Variants in PLCXD1 observed in about 807,000 individuals in gnomAD.
PLCXD1 encodes the protein PI-PLC X domain-containing protein 1.
A neutral mutation model predicts 37.8 loss-of-function variants in PLCXD1; 45 were observed. The ratio of observed to expected loss-of-function variants is 1.19; its 90% CI spans 0.94 to 1.53. PLCXD1 has a LOEUF of 1.53. Ranked by LOEUF, PLCXD1 falls within the 40% of genes most tolerant of loss-of-function variation. The probability of loss-of-function intolerance (pLI) is 0.00; values close to 1 mark genes in which losing one functional copy is unlikely to be tolerated. For synonymous variants in PLCXD1, 246 were observed against 206.9 expected, an observed-to-expected ratio of 1.19 and a Z score of -1.62; for missense variants, 539 against 454.7, an observed-to-expected ratio of 1.19 and a Z score of -1.69.
At chrX:293,704 C>T (rs1329839170) in intron 6 of PLCXD1, among the ~76,000 whole-genome samples, 10 of 152,106 alleles carry the variant, frequency 6.6e-5, no homozygotes, top group African/African-American at 1.7e-4. Context: ...TGAAAAAGAA[C>T]GAGGCTCTGA....
chrX:280,410 GCAGA>G, upstream of PLCXD1, among the ~76,000 whole-genome samples: 1 of 95,746 alleles, frequency 1.0e-5, no homozygotes, highest in African/African-American at 4.4e-5. Context: ...GGCCGTGCAG[GCAGA>G]GGGGAAGACG....
At chrX:294,996 A>G (rs1274630701) in intron 6 of PLCXD1, among the ~76,000 whole-genome samples, 1 of 151,686 alleles carries the variant, frequency 6.6e-6, no homozygotes, top group Non-Finnish European at 1.5e-5. Context: ...GTGAAACCCC[A>G]TCTCTAGTAA....
intron 6 of PLCXD1, among the ~76,000 whole-genome samples, chrX:293,492 G>T (rs1449835394): frequency 6.6e-6 from 1 of 151,974 alleles, no homozygotes; most frequent in Non-Finnish European, 1.5e-5. Flanking sequence ...GGGCGCAGTG[G>T]TTCATGCCTG....
At chrX:298,992 A>C in intron 6 of PLCXD1, 105 bp from the exon 7 acceptor site, 1 of 889,124 alleles carries the variant, frequency 1.1e-6, no homozygotes. Flanking sequence ...GGTGCTTTCA[A>C]CTCTTAATTC....
intron 2 of PLCXD1, among the ~76,000 whole-genome samples, chrX:287,887 A>T (rs1439280076): frequency 6.6e-6 from 1 of 152,074 alleles, no homozygotes; most frequent in African/African-American, 2.4e-5. Context: ...AAGTGAGCAC[A>T]CGTCAGGAGG....
At chrX:288,689 G>GA (rs771326302) in intron 2 of PLCXD1, 44 bp from the exon 3 acceptor site, 1 of 1,609,894 alleles carries the variant, frequency 6.2e-7, no homozygotes, top group South Asian at 1.1e-5. Context: ...AGGTGGCGGG[G>GA]ACGGACTCGT....
intron 2 of PLCXD1, among the ~76,000 whole-genome samples, chrX:286,780 C>G (rs1479774266): frequency 6.6e-6 from 1 of 152,098 alleles, no homozygotes; most frequent in Non-Finnish European, 1.5e-5. Context: ...GGTGGTGGTG[C>G]CAAGGTTGTC....
At chrX:295,934 G>C (rs1231696952) in intron 6 of PLCXD1, among the ~76,000 whole-genome samples, 2 of 151,808 alleles carry the variant, frequency 1.3e-5, no homozygotes, top group Non-Finnish European at 2.9e-5. Flanking sequence ...TTCGCCTCCT[G>C]GGTTCGAGCA....
chrX:295,918 G>A (rs2069791727), intron 6 of PLCXD1, among the ~76,000 whole-genome samples: 1 of 151,954 alleles, frequency 6.6e-6, no homozygotes, highest in South Asian at 2.1e-4. Context: ...TTGGCTCACT[G>A]CAGCCTTCGC....
At chrX:278,054 A>G (rs1387526698), upstream of PLCXD1, among the ~76,000 whole-genome samples, 2 of 111,500 alleles carry the variant, frequency 1.8e-5, no homozygotes, top group African/African-American at 8.3e-5. Context: ...ATAGGAGCGG[A>G]CACCCCTCAG....
At chrX:284,492 G>C (rs907009498) in intron 2 of PLCXD1, among the ~76,000 whole-genome samples, 178 bp downstream of exon 2, 3 of 152,206 alleles carry the variant, frequency 2.0e-5, no homozygotes, top group Non-Finnish European at 4.4e-5. Flanking sequence ...GTGCACACGT[G>C]TGTGCATACA....
chrX:291,856 C>T (rs1212690163), intron 5 of PLCXD1, among the ~76,000 whole-genome samples: 1 of 152,136 alleles, frequency 6.6e-6, no homozygotes, highest in Non-Finnish European at 1.5e-5. Context: ...ATCTGCTTCC[C>T]TTGACGGGTT....
In PLCXD1 at chrX:291,553, A is replaced by C. The variant is rs1486581265; in HGVS notation, c.448A>C (p.Ile150Leu). 1.2e-6 allele frequency: 2 copies of C among 1,613,086 alleles called. No individual in the cohort carries two copies. Among genetic ancestry groups the C allele is most frequent in the South Asian group, 2.2e-5 (2 of 91,026 alleles). ...WLERHPREVVILACRNFEGLS... is the reference protein window; with the variant it reads ...WLERHPREVVLLACRNFEGLS... The stretch of plus-strand genomic sequence containing the variant: ...GGAGCGGCATCCACGCGAGGTGGTC[A>C]TCCTGGCCTGCAGAAACTTCGAGGG... Residue 150 changes from isoleucine (I) to leucine (L), a missense_variant, in exon 5 of 7, where the codon ATC becomes CTC. Physicochemically the swap from Ile to Leu is conservative, Grantham distance 5 (BLOSUM62 2). Coordinates refer to ENST00000381657, the MANE Select transcript of PLCXD1 (RefSeq NM_018390.4).
At chrX:289,392 T>C (rs3936199) in intron 3 of PLCXD1, among the ~76,000 whole-genome samples, 7,220 of 147,482 alleles carry the variant, frequency 0.049, 400 homozygotes, top group African/African-American at 0.14. Context: ...CGGCCCAGCA[T>C]TTTATTAAAT....
intron 6 of PLCXD1, 64 bp downstream of exon 6, chrX:293,282 CG>C: frequency 2.3e-6 from 3 of 1,297,732 alleles, no homozygotes; most frequent in African/African-American, 2.9e-5. Context: ...TGCGGCAGGC[CG>C]GGTCCACATG....
intron 5 of PLCXD1, among the ~76,000 whole-genome samples, chrX:292,084 G>A (rs1418606680): frequency 1.3e-5 from 2 of 152,036 alleles, no homozygotes; most frequent in Non-Finnish European, 2.9e-5. Flanking sequence ...GGCGGATCAC[G>A]AGGTCAAGAG....
At chrX:293,395 G>A (rs753155334) in intron 6 of PLCXD1, among the ~76,000 whole-genome samples, 177 bp downstream of exon 6, 14 of 152,350 alleles carry the variant, frequency 9.2e-5, no homozygotes, top group Admixed American at 5.2e-4. Flanking sequence ...AGGCCGAGGC[G>A]GGTGGATCAC....
intron 2 of PLCXD1, among the ~76,000 whole-genome samples, 166 bp from the exon 3 acceptor site, chrX:288,567 C>T (rs1241582266): frequency 6.6e-6 from 1 of 152,176 alleles, no homozygotes; most frequent in African/African-American, 2.4e-5. Flanking sequence ...TTCCCAGGTT[C>T]CAGTGGACGT....
At position 302,299 on chromosome X, in the gene PLCXD1, C is replaced by A; in HGVS notation, c.*2964C>A. 6.6e-6 allele frequency: 1 copy of A among 152,466 alleles called. No individual in the cohort carries two copies. The highest frequency in any genetic ancestry group is 1.5e-5 in the Non-Finnish European group (1 of 68,212). 9.4% of individuals were successfully genotyped at this position (152,466 alleles called of 1,614,324 possible). ...CCCCCCCACGGAAGGCGCCCCCAGTCCGTGTGGGAGACTCGCACACCGGTT... is the reference window on the plus strand; with the variant it reads ...CCCCCCCACGGAAGGCGCCCCCAGTACGTGTGGGAGACTCGCACACCGGTT... On this transcript the variant is annotated 3_prime_UTR_variant, in exon 7 of 7. Coordinates refer to ENST00000381657, the MANE Select transcript of PLCXD1 (RefSeq NM_018390.4).
Sources: allele counts gnomAD v4.1 joint callset (sites outside exome capture counted in the v4.1 genomes callset), GRCh38; gene constraint gnomAD v4.1.1; transcripts MANE v1.5; gene names NCBI Gene and HGNC (gene_info 2026-07-23, HGNC 2026-07-21).